The following OR14I1 variants were observed in gnomAD, a reference collection of about 807,000 sequenced individuals.
The protein encoded by OR14I1 is olfactory receptor 14I1.
For synonymous variants in OR14I1, 118 were observed against 71.1 expected (o/e 1.66, Z -3.32); for missense variants, 279 against 181.8 (o/e 1.53, Z -3.07).
At chr1:248,700,486 G>A in the OR14I1 span, among the ~76,000 whole-genome samples, 1 of 152,206 alleles carries the variant, frequency 6.6e-6, no homozygotes, top group Non-Finnish European at 1.5e-5. Flanking sequence ...CCTAATTTAT[G>A]GAGAAATGTC....
At chr1:248,693,968 G>A in the OR14I1 span, among the ~76,000 whole-genome samples, 6 of 151,960 alleles carry the variant, frequency 3.9e-5, no homozygotes, top group Non-Finnish European at 5.9e-5. Context: ...GGTTGAGAGG[G>A]CAGGAAGACC....
the OR14I1 span, among the ~76,000 whole-genome samples, chr1:248,693,978 C>T: frequency 0.013 from 1,941 of 152,038 alleles, 33 homozygotes; most frequent in African/African-American, 0.033. Flanking sequence ...GCAGGAAGAC[C>T]TATCAGTCTG....
At chr1:248,683,162 A>G (rs1661592279), upstream of OR14I1, among the ~76,000 whole-genome samples, 1 of 152,250 alleles carries the variant, frequency 6.6e-6, no homozygotes, top group South Asian at 2.1e-4. Flanking sequence ...CAGCATTTAA[A>G]TCAAGGCAGT....
At chr1:248,681,866 A>T in exon 1 of OR14I1, 1 of 781,090 alleles carries the variant, frequency 1.3e-6, no homozygotes, top group South Asian at 1.3e-5. Context: ...CAGCTTAGCC[A>T]GGTGGTGACT....
chr1:248,678,360 C>T (rs928997462), downstream of OR14I1, among the ~76,000 whole-genome samples: 9 of 152,096 alleles, frequency 5.9e-5, no homozygotes, highest in Admixed American at 2.6e-4. Flanking sequence ...CAAGATAGAC[C>T]ATTTCACAGA....
the OR14I1 span, among the ~76,000 whole-genome samples, chr1:248,689,085 C>T: frequency 1.9e-4 from 29 of 152,276 alleles, no homozygotes; most frequent in South Asian, 1.0e-3. Context: ...TTGGGACACG[C>T]GGTCCTTTAC....
chr1:248,696,181 A>C, the OR14I1 span, among the ~76,000 whole-genome samples: 6 of 152,342 alleles, frequency 3.9e-5, no homozygotes, highest in Non-Finnish European at 2.9e-5. Flanking sequence ...CCTTGGTGTC[A>C]CATACTACTC....
At chr1:248,684,861 T>C (rs1164869950), upstream of OR14I1, among the ~76,000 whole-genome samples, 1 of 101,144 alleles carries the variant, frequency 9.9e-6, no homozygotes, top group Non-Finnish European at 2.1e-5. Context: ...AGGGAAAAAA[T>C]AAGTTGAAAA....
At chr1:248,684,759 T>C (rs200811203), upstream of OR14I1, among the ~76,000 whole-genome samples, 12 of 15,802 alleles carry the variant, frequency 7.6e-4, no homozygotes, top group South Asian at 0.015. Flanking sequence ...CACACATACA[T>C]ATATATATAT....
downstream of OR14I1, among the ~76,000 whole-genome samples, chr1:248,680,655 G>A (rs1489947482): frequency 6.6e-6 from 1 of 152,146 alleles, no homozygotes; most frequent in Non-Finnish European, 1.5e-5. Context: ...AGCTCTGTAT[G>A]TATTAACACA....
the OR14I1 span, chr1:248,692,496 T>A: frequency 6.5e-6 from 1 of 152,794 alleles, no homozygotes; most frequent in African/African-American, 2.4e-5. Context: ...CTGCTTTCTC[T>A]ACCCCAGTCC....
At chr1:248,692,658 T>A in the OR14I1 span, 1 of 152,430 alleles carries the variant, frequency 6.6e-6, no homozygotes, top group Non-Finnish European at 1.5e-5. Flanking sequence ...GCCCTCATAA[T>A]GCTTACAGTC....
chr1:248,692,314 C>T, the OR14I1 span: 2 of 152,668 alleles, frequency 1.3e-5, no homozygotes, highest in African/African-American at 4.8e-5. Flanking sequence ...GAATTCCCTC[C>T]TGCATTCCTG....
the OR14I1 span, among the ~76,000 whole-genome samples, chr1:248,693,573 T>C: frequency 6.6e-6 from 1 of 152,186 alleles, no homozygotes; most frequent in Non-Finnish European, 1.5e-5. Context: ...CTCTTCTGCT[T>C]TCCACACCTA....
At chr1:248,698,998 C>G in the OR14I1 span, 1 of 152,224 alleles carries the variant, frequency 6.6e-6, no homozygotes, top group African/African-American at 2.4e-5. Context: ...GGGCCAGAAT[C>G]AGACCCCCAT....
chr1:248,683,787 A>T (rs2103133827), upstream of OR14I1, among the ~76,000 whole-genome samples: 1 of 152,360 alleles, frequency 6.6e-6, no homozygotes, highest in Non-Finnish European at 1.5e-5. Context: ...TAATCCCAGC[A>T]CTTTCGGAGG....
At position 248,681,795 on chromosome 1, in the gene OR14I1, A is replaced by G. The variant is rs146953048; in HGVS notation, c.510T>C (p.Ser170=). 8.2e-5 allele frequency: 64 copies of G among 781,102 alleles called. 2 individuals carry two copies. Among genetic ancestry groups the G allele is most frequent in the African/African-American group, 8.1e-4 (48 of 59,266 alleles). 48.4% of individuals were successfully genotyped at this position (781,102 alleles called of 1,614,324 possible). Residue 170 remains serine (S), a synonymous_variant, in exon 1 of 1, where the codon AGT becomes AGC. Coordinates refer to ENST00000342623, the Ensembl canonical transcript of OR14I1. ...TGTCACGGAAGAACTGGTGGATCACACTGGATCTGCAAACGTGCTCCCGAA... is the reference window on the plus strand; with the variant it reads ...TGTCACGGAAGAACTGGTGGATCACGCTGGATCTGCAAACGTGCTCCCGAA...
downstream of OR14I1, among the ~76,000 whole-genome samples, chr1:248,679,080 C>T (rs1339715962): frequency 6.6e-6 from 1 of 152,154 alleles, no homozygotes; most frequent in Non-Finnish European, 1.5e-5. Flanking sequence ...AGCAGCTACT[C>T]CTGCCCCAAA....
the OR14I1 span, among the ~76,000 whole-genome samples, chr1:248,697,627 A>G: frequency 9.1e-3 from 1,388 of 152,282 alleles, 26 homozygotes; most frequent in African/African-American, 0.032. Flanking sequence ...CCTACTAAAA[A>G]TACAAAATTG....
Sources: gnomAD v4.1 joint callset for allele counts (sites outside exome capture counted in the v4.1 genomes callset) on GRCh38, gnomAD v4.1.1 for gene constraint, MANE v1.5 for transcripts, NCBI Gene and HGNC (gene_info 2026-07-23, HGNC 2026-07-21) for gene names.